The following NFATC3 variants were observed in gnomAD, a reference collection of about 807,000 sequenced individuals.
The protein encoded by NFATC3 is nuclear factor of activated T cells 3.
NFATC3 carries 46 observed loss-of-function variants against 98.6 expected under a neutral mutation model. That is an observed-to-expected ratio of 0.47 (90% confidence interval 0.37 to 0.60). The LOEUF is 0.60. NFATC3 is among the 20% of genes least tolerant of loss of function. The probability of loss-of-function intolerance (pLI) is 0.00; values close to 1 mark genes in which losing one functional copy is unlikely to be tolerated. For synonymous variants in NFATC3, 512 were observed against 472.2 expected (o/e 1.08, Z -1.09); for missense variants, 1,256 against 1,295.5 (o/e 0.97, Z 0.47).
rs766031154 is a variant in NFATC3 at position 68,191,379 on chromosome 16, G to C, written c.2710G>C (p.Gly904Arg). The change falls in exon 9 of 10, where the codon GGT (glycine) becomes CGT (arginine). Residue 904 changes from glycine to arginine, a missense_variant. Coordinates refer to ENST00000346183, the MANE Select transcript of NFATC3 (RefSeq NM_173165.3). ...LSSPVADQITGQPSSQLQPIT... is the reference protein window; with the variant it reads ...LSSPVADQITRQPSSQLQPIT... ...TTCTCCAGTGGCTGACCAGATTACAGGTCAGCCTTCGTCTCAGTTACAACC... is the reference window on the plus strand; with the variant it reads ...TTCTCCAGTGGCTGACCAGATTACACGTCAGCCTTCGTCTCAGTTACAACC... 1 of 1,614,174 alleles carries C rather than the reference G, an allele frequency of 6.2e-7. No homozygotes were observed. Among genetic ancestry groups the C allele is most frequent in the Non-Finnish European group, 8.5e-7 (1 of 1,180,026 alleles).
At chr16:68,163,445 G>GC (rs560983701) in intron 4 of NFATC3, among the ~76,000 whole-genome samples, 5,246 of 150,024 alleles carry the variant, frequency 0.035, 330 homozygotes, top group African/African-American at 0.12. Context: ...GGGCGGCCGG[G>GC]CAGAGGCGCC....
chr16:68,142,677 G>A (rs1446420882), intron 3 of NFATC3, among the ~76,000 whole-genome samples: 1 of 151,892 alleles, frequency 6.6e-6, no homozygotes, highest in East Asian at 1.9e-4. Context: ...AGACTCATTT[G>A]AACCTGGAAG....
At chr16:68,117,815 G>T (rs960240956) in intron 1 of NFATC3, among the ~76,000 whole-genome samples, 4 of 152,148 alleles carry the variant, frequency 2.6e-5, no homozygotes, top group Non-Finnish European at 4.4e-5. Flanking sequence ...ACCATGTCCG[G>T]CCCCAACAAC....
intron 3 of NFATC3, among the ~76,000 whole-genome samples, 199 bp from the exon 4 acceptor site, chr16:68,157,670 G>A (rs1211852918): frequency 1.3e-5 from 2 of 152,032 alleles, no homozygotes; most frequent in East Asian, 1.9e-4. Flanking sequence ...TTTATGTAAC[G>A]TATTCCAGTG....
chr16:68,149,724 AAAAC>A (rs1330465370), intron 3 of NFATC3, among the ~76,000 whole-genome samples: 1 of 152,236 alleles, frequency 6.6e-6, no homozygotes, highest in Non-Finnish European at 1.5e-5. Flanking sequence ...TGATAAATGG[AAAAC>A]AAAACCATAT....
chr16:68,160,822 T>C (rs781617119), intron 4 of NFATC3, among the ~76,000 whole-genome samples: 6 of 152,090 alleles, frequency 3.9e-5, no homozygotes, highest in Non-Finnish European at 7.4e-5. Context: ...GTAGCTGAGA[T>C]TGCACACGTG....
At chr16:68,136,493 C>G (rs2037418957) in intron 3 of NFATC3, among the ~76,000 whole-genome samples, 1 of 151,974 alleles carries the variant, frequency 6.6e-6, no homozygotes, top group Non-Finnish European at 1.5e-5. Context: ...GGTTTCGAAC[C>G]CCTAGGCTCA....
intron 1 of NFATC3, among the ~76,000 whole-genome samples, chr16:68,115,742 G>A (rs2036242264): frequency 6.6e-6 from 1 of 151,726 alleles, no homozygotes; most frequent in East Asian, 1.9e-4. Context: ...TTTTTTTGTT[G>A]TTGTTGTTTG....
chr16:68,175,003 C>CA (rs925012369), intron 6 of NFATC3, among the ~76,000 whole-genome samples: 8 of 151,928 alleles, frequency 5.3e-5, no homozygotes, highest in Non-Finnish European at 1.0e-4. Flanking sequence ...TTATAATTGC[C>CA]AAAAAATGGA....
chr16:68,124,060 G>C (rs1450176364), intron 2 of NFATC3, among the ~76,000 whole-genome samples: 7 of 151,948 alleles, frequency 4.6e-5, no homozygotes, highest in African/African-American at 1.7e-4. Flanking sequence ...GATTAGAAAA[G>C]ACAACTTTTA....
At chr16:68,089,409 T>A in intron 1 of NFATC3, 2 of 507,304 alleles carry the variant, frequency 3.9e-6, no homozygotes, top group Non-Finnish European at 5.1e-6. Context: ...AAAGAAAATT[T>A]AAGACCCTAG....
intron 3 of NFATC3, among the ~76,000 whole-genome samples, chr16:68,129,133 C>A (rs907131434): frequency 6.6e-6 from 1 of 152,008 alleles, no homozygotes; most frequent in Admixed American, 6.6e-5. Flanking sequence ...CAATAAGTAG[C>A]ATGCGCCTGT....
intron 9 of NFATC3, among the ~76,000 whole-genome samples, chr16:68,196,970 C>T (rs914341899): frequency 3.0e-4 from 45 of 151,994 alleles, no homozygotes; most frequent in Non-Finnish European, 5.3e-4. Context: ...GCTGAGGTTG[C>T]GGTGAGCCGA....
At chr16:68,221,379 G>C in intron 9 of NFATC3, 2 of 1,541,124 alleles carry the variant, frequency 1.3e-6, no homozygotes, top group Non-Finnish European at 1.8e-6. Context: ...TCAAGTTATT[G>C]CTAAAGGTCT....
chr16:68,191,193 G>A lies in NFATC3; in HGVS notation c.2524G>A (p.Val842Met). Residue 842 changes from valine (V) to methionine (M), a missense_variant, in exon 9 of 10, where the codon GTG becomes ATG. Physicochemically the swap from Val to Met is conservative, Grantham distance 21. Transcript: ENST00000346183. ...FQQDATLSGL[V>M]NLGCQPLSSI... ...GCAGGATGCAACTCTTTCTGGTTTA[G>A]TGAATCTTGGCTGTCAACCACTGTC... 6.2e-7 allele frequency: 1 copy of A among 1,614,182 alleles called. No individual in the cohort carries two copies. The highest frequency in any genetic ancestry group is 8.5e-7 in the Non-Finnish European group (1 of 1,180,040).
At chr16:68,147,083 T>A (rs1300884473) in intron 3 of NFATC3, among the ~76,000 whole-genome samples, 1 of 152,228 alleles carries the variant, frequency 6.6e-6, no homozygotes, top group Non-Finnish European at 1.5e-5. Context: ...ATATATTCCC[T>A]TTGAAATCTT....
intron 5 of NFATC3, among the ~76,000 whole-genome samples, chr16:68,172,900 T>C (rs1325758690): frequency 1.3e-5 from 2 of 152,180 alleles, no homozygotes; most frequent in African/African-American, 4.8e-5. Flanking sequence ...CCAGAAAATG[T>C]AGCAACTTGG....
chr16:68,162,058 A>T (rs1031820251), intron 4 of NFATC3, among the ~76,000 whole-genome samples: 2 of 152,164 alleles, frequency 1.3e-5, no homozygotes, highest in South Asian at 2.1e-4. Context: ...CAGAAATACC[A>T]CTATGACTAG....
chr16:68,163,316 G>A (rs1034101646), intron 4 of NFATC3, among the ~76,000 whole-genome samples: 1 of 151,748 alleles, frequency 6.6e-6, no homozygotes, highest in Non-Finnish European at 1.5e-5. Flanking sequence ...AGGGGCGGCC[G>A]GGCAGAGGCG....
Sources: gnomAD v4.1 joint callset for allele counts (sites outside exome capture counted in the v4.1 genomes callset) on GRCh38, gnomAD v4.1.1 for gene constraint, MANE v1.5 for transcripts, NCBI Gene and HGNC (gene_info 2026-07-23, HGNC 2026-07-21) for gene names.